The following STK3 variants were observed in gnomAD, a reference collection of about 807,000 sequenced individuals.
STK3 encodes serine/threonine kinase 3.
In STK3, 41 loss-of-function variants were observed where a neutral mutation model predicts 58.0. The observed-to-expected ratio is 0.71, with a 90% CI of 0.55 to 0.92. STK3 has a LOEUF of 0.92. Among genes scored for constraint, STK3 ranks in the 40% least tolerant of loss-of-function variants. The probability of loss-of-function intolerance (pLI) is 0.00; values close to 1 mark genes in which losing one functional copy is unlikely to be tolerated. For missense variants in STK3, 479 were observed against 602.7 expected (o/e 0.79, Z 2.15); for synonymous variants, 170 against 191.0 (o/e 0.89, Z 0.91).
At chr8:98,510,691 A>G (rs1185583661) in intron 10 of STK3, among the ~76,000 whole-genome samples, 1 of 152,116 alleles carries the variant, frequency 6.6e-6, no homozygotes, top group East Asian at 1.9e-4. Flanking sequence ...TTTTAAGTTT[A>G]ATAAAGTAGC....
chr8:98,615,366 CAG>C (rs1279106268), intron 6 of STK3, among the ~76,000 whole-genome samples: 3 of 149,830 alleles, frequency 2.0e-5, no homozygotes, highest in African/African-American at 7.3e-5. Context: ...GGGGAAAAAA[CAG>C]AACAGAAAAA....
At chr8:98,874,990 T>A (rs963232655) in intron 3 of STK3, among the ~76,000 whole-genome samples, 1 of 152,174 alleles carries the variant, frequency 6.6e-6, no homozygotes, top group African/African-American at 2.4e-5. Context: ...ATGATCCAAT[T>A]TTGATTTTGA....
At chr8:98,633,496 G>T in intron 6 of STK3, 1 of 640,292 alleles carries the variant, frequency 1.6e-6, no homozygotes, top group Non-Finnish European at 2.9e-6. Context: ...CGATGGCGGT[G>T]GCGTTGGCTT....
Position 98,428,451 on chromosome 8 carries a change from G to A in STK3, n.483+5676C>T, listed in dbSNP as rs1488567981. The stretch of plus-strand genomic sequence containing the variant: ...TGAGATCCTTGCCTTCTACAACGAC[G>A]CCTCCAAGTTCGATGGGCAGCCCCT... On this transcript the variant is annotated intron_variant and non_coding_transcript_variant, in intron 3 of 3. Coordinates refer to the STK3 transcript ENST00000517832. The surrounding 1 kb of genome is among the most constrained non-coding windows in gnomAD (Gnocchi z 6.7). The A allele has an allele frequency of 3.1e-5, 50 of 1,613,960 alleles. No homozygotes were observed. Among genetic ancestry groups the A allele is most frequent in the Non-Finnish European group, 4.1e-5 (48 of 1,180,018 alleles).
intron 3 of STK3, among the ~76,000 whole-genome samples, chr8:98,416,645 A>G (rs1383099778): frequency 6.6e-6 from 1 of 152,200 alleles, no homozygotes; most frequent in Admixed American, 6.5e-5. Context: ...CTACCACGAT[A>G]AAAATACCTA....
At chr8:98,919,089 T>C (rs778573318) in intron 1 of STK3, among the ~76,000 whole-genome samples, 73 of 152,114 alleles carry the variant, frequency 4.8e-4, no homozygotes, top group Non-Finnish European at 8.7e-4. Context: ...GATCTGCCTG[T>C]GTAACAGTTT....
chr8:98,910,016 C>G (rs1839068089), intron 1 of STK3, among the ~76,000 whole-genome samples: 1 of 152,148 alleles, frequency 6.6e-6, no homozygotes, highest in African/African-American at 2.4e-5. Flanking sequence ...TCATGGTTAT[C>G]TGACTTTTTG....
chr8:98,449,130 A>C (rs1048386048), intron 1 of STK3, among the ~76,000 whole-genome samples: 1 of 152,198 alleles, frequency 6.6e-6, no homozygotes, highest in African/African-American at 2.4e-5. Context: ...GAAGAAGAAG[A>C]GAAGTTATCT....
intron 10 of STK3, among the ~76,000 whole-genome samples, chr8:98,520,541 C>G (rs370465643): frequency 6.6e-6 from 1 of 151,916 alleles, no homozygotes; most frequent in Middle Eastern, 3.2e-3. Context: ...ATAAAGTGTT[C>G]TCTTTCATTT....
At chr8:98,783,024 GGAGA>G (rs34117067) in intron 1 of STK3, among the ~76,000 whole-genome samples, 26 of 133,956 alleles carry the variant, frequency 1.9e-4, no homozygotes, top group African/African-American at 3.6e-4. Context: ...AGAAGGAGAG[GGAGA>G]GAGAGAGAGA....
At chr8:98,435,670 T>C (rs1169546608) in intron 2 of STK3, among the ~76,000 whole-genome samples, 1 of 152,072 alleles carries the variant, frequency 6.6e-6, no homozygotes, top group African/African-American at 2.4e-5. Context: ...GGATGGTTTC[T>C]GGGTTTCTGG....
At chr8:98,640,661 T>C (rs1819953235) in intron 6 of STK3, among the ~76,000 whole-genome samples, 1 of 151,978 alleles carries the variant, frequency 6.6e-6, no homozygotes, top group Non-Finnish European at 1.5e-5. Flanking sequence ...AAGCACCTAC[T>C]TGAAAGGAAC....
chr8:98,749,242 AATG>A (rs1490396421), intron 4 of STK3, 31 bp downstream of exon 4: 5 of 1,437,174 alleles, frequency 3.5e-6, no homozygotes, highest in Non-Finnish European at 3.9e-6. Flanking sequence ...AATCTTTAGA[AATG>A]ATATTAGCAA....
At chr8:98,829,678 A>T (rs888779372), upstream of STK3, among the ~76,000 whole-genome samples, 1 of 152,168 alleles carries the variant, frequency 6.6e-6, no homozygotes, top group African/African-American at 2.4e-5. Flanking sequence ...GGCCTTTAAG[A>T]CTCCAAAGCT....
intron 3 of STK3, among the ~76,000 whole-genome samples, chr8:98,419,899 A>T (rs1382226289): frequency 6.6e-6 from 1 of 152,120 alleles, no homozygotes; most frequent in Non-Finnish European, 1.5e-5. Context: ...CTTATCGCTC[A>T]ACTTAATACA....
At chr8:98,496,810 TGATGGGAA>T (rs1408262618) in intron 10 of STK3, among the ~76,000 whole-genome samples, 1 of 152,072 alleles carries the variant, frequency 6.6e-6, no homozygotes, top group East Asian at 1.9e-4. Flanking sequence ...TGCCAGGGGC[TGATGGGAA>T]AGGGGAGCTG....
intron 6 of STK3, among the ~76,000 whole-genome samples, chr8:98,685,927 G>A (rs566543481): frequency 9.9e-5 from 15 of 152,146 alleles, no homozygotes; most frequent in African/African-American, 3.4e-4. Flanking sequence ...AGTATGTAAT[G>A]ACAAAATAAT....
intron 6 of STK3, among the ~76,000 whole-genome samples, chr8:98,602,578 A>G (rs938149176): frequency 6.6e-6 from 1 of 152,274 alleles, no homozygotes; most frequent in African/African-American, 2.4e-5. Context: ...TTATATGTCA[A>G]CTGCATTAGG....
intron 1 of STK3, among the ~76,000 whole-genome samples, chr8:98,910,816 A>C (rs766711783): frequency 6.6e-6 from 1 of 152,182 alleles, no homozygotes; most frequent in Non-Finnish European, 1.5e-5. Flanking sequence ...CTTTCCACTG[A>C]AAGGTGTTAA....
Sources: gnomAD v4.1 joint callset for allele counts (sites outside exome capture counted in the v4.1 genomes callset) on GRCh38, gnomAD v4.1.1 for gene constraint, Gnocchi (gnomAD v3.1) non-coding constraint, MANE v1.5 for transcripts, NCBI Gene and HGNC (gene_info 2026-07-23, HGNC 2026-07-21) for gene names.